ANO2: variants seen among roughly 807,000 people sequenced by gnomAD.
The protein encoded by ANO2 is anoctamin 2.
A neutral mutation model predicts 124.2 loss-of-function variants in ANO2; 101 were observed. That is an observed-to-expected ratio of 0.81 (90% CI 0.69 to 0.96). The LOEUF is 0.96. Among genes scored for constraint, ANO2 ranks in the 40% least tolerant of loss-of-function variants. ANO2 has a pLI of 0.00. For missense variants in ANO2, 1,293 were observed against 1,274.5 expected (o/e 1.01, Z -0.22); for synonymous variants, 486 against 482.5 (o/e 1.01, Z -0.09).
At chr12:5,914,078 T>C (rs1364224052) in intron 3 of ANO2, among the ~76,000 whole-genome samples, 2 of 152,046 alleles carry the variant, frequency 1.3e-5, no homozygotes, top group Non-Finnish European at 2.9e-5. Flanking sequence ...TGTGCACCTG[T>C]AATCCCAGCT....
intron 14 of ANO2, among the ~76,000 whole-genome samples, chr12:5,650,911 G>A (rs1431991066): frequency 1.3e-5 from 2 of 152,206 alleles, no homozygotes; most frequent in South Asian, 2.1e-4. Flanking sequence ...CCCAACCTAT[G>A]AAGCAGGTCA....
intron 9 of ANO2, among the ~76,000 whole-genome samples, chr12:5,803,401 CACTT>C (rs1389932581): frequency 6.6e-6 from 1 of 152,152 alleles, no homozygotes; most frequent in Non-Finnish European, 1.5e-5. Flanking sequence ...TTCAGTGGGT[CACTT>C]ACTAACTATC....
intron 3 of ANO2, among the ~76,000 whole-genome samples, 200 bp from the exon 4 acceptor site, chr12:5,854,341 A>C (rs1231026240): frequency 6.6e-6 from 1 of 151,486 alleles, no homozygotes; most frequent in Non-Finnish European, 1.5e-5. Flanking sequence ...GTTCTCATCG[A>C]AAACAGTAGG....
chr12:5,671,376 C>T (rs953212639), intron 14 of ANO2, among the ~76,000 whole-genome samples: 18 of 152,024 alleles, frequency 1.2e-4, no homozygotes, highest in Middle Eastern at 3.4e-3. Context: ...AGTGTATTAG[C>T]AAACTCTGCC....
chr12:5,752,696 G>A (rs1465346438), intron 10 of ANO2, among the ~76,000 whole-genome samples: 1 of 152,086 alleles, frequency 6.6e-6, no homozygotes, highest in Non-Finnish European at 1.5e-5. Context: ...TCTGTTGATT[G>A]TTTCCTTTGC....
intron 4 of ANO2, among the ~76,000 whole-genome samples, chr12:5,844,202 G>C (rs1954611398): frequency 6.6e-6 from 1 of 152,188 alleles, no homozygotes; most frequent in South Asian, 2.1e-4. Flanking sequence ...ATGGAGGAAA[G>C]AGTAAAGTAC....
intron 3 of ANO2, among the ~76,000 whole-genome samples, chr12:5,890,631 T>C (rs1939328655): frequency 6.6e-6 from 1 of 152,174 alleles, no homozygotes; most frequent in Admixed American, 6.5e-5. Flanking sequence ...CGCAAGTCAG[T>C]GAGGCCCATC....
intron 20 of ANO2, among the ~76,000 whole-genome samples, chr12:5,598,505 G>T (rs910683328): frequency 1.3e-5 from 2 of 152,122 alleles, no homozygotes; most frequent in Admixed American, 1.3e-4. Flanking sequence ...ACAGGTGCCT[G>T]CCACCATTCC....
chr12:5,935,649 C>A (rs1037561330), intron 1 of ANO2, among the ~76,000 whole-genome samples: 1 of 152,118 alleles, frequency 6.6e-6, no homozygotes, highest in Admixed American at 6.5e-5. Context: ...GCATACAAGA[C>A]CTATTCTGTG....
chr12:5,742,450 G>C (rs979236678), intron 12 of ANO2, among the ~76,000 whole-genome samples: 1 of 152,150 alleles, frequency 6.6e-6, no homozygotes, highest in Admixed American at 6.5e-5. Flanking sequence ...CCTGCACTGT[G>C]ATGTGAAAGG....
chr12:5,678,668 T>C lies in ANO2; in HGVS notation c.1546-30867A>G, dbSNP rs140389964. Among the ~76,000 whole-genome samples, 1,406 of 152,348 alleles carry C rather than the reference T, an allele frequency of 9.2e-3. 19 individuals carry two copies. Among genetic ancestry groups the C allele is most frequent in the South Asian group, 0.03 (147 of 4,824 alleles). The stretch of plus-strand genomic sequence containing the variant: ...GTGAAGTAAACATATCTAAAGAGTA[T>C]TGATTAATGAAATGATGAAAGAAAA... On this transcript the variant is annotated intron_variant, in intron 14 of 24. Coordinates refer to ENST00000682330, the MANE Select transcript of ANO2 (RefSeq NM_001364791.2).
intron 10 of ANO2, among the ~76,000 whole-genome samples, chr12:5,767,653 A>G (rs1462920192): frequency 6.6e-6 from 1 of 152,246 alleles, no homozygotes; most frequent in Non-Finnish European, 1.5e-5. Flanking sequence ...AGTTGATGGT[A>G]TCTCAGTCTT....
At chr12:5,894,811 C>T (rs527820242) in intron 3 of ANO2, among the ~76,000 whole-genome samples, 6 of 152,128 alleles carry the variant, frequency 3.9e-5, no homozygotes, top group Admixed American at 2.6e-4. Flanking sequence ...AGATGGGTGG[C>T]GTTATTTCTG....
intron 4 of ANO2, among the ~76,000 whole-genome samples, chr12:5,844,422 AC>A (rs2137238484): frequency 6.6e-6 from 1 of 152,340 alleles, no homozygotes; most frequent in South Asian, 2.1e-4. Context: ...CAGACGTACG[AC>A]ACTTTTACTC....
At chr12:5,747,576 C>T (rs6489658) in intron 11 of ANO2, among the ~76,000 whole-genome samples, 152,279 of 152,314 alleles carry the variant, frequency 1, 76,122 homozygotes, top group Non-Finnish European at 1. Context: ...CATCCAAAAC[C>T]TCAATTTTGT....
Position 5,600,996 on chromosome 12 carries a change from A to G in ANO2, c.2088-1367T>C, listed in dbSNP as rs149595564. Among the ~76,000 whole-genome samples the G allele has an allele frequency of 2.0e-5, 3 of 152,354 alleles. No homozygotes were observed. The East Asian group carries it at 5.8e-4, about 29-fold the overall frequency. ...TAATGTTTTGATCAGTTTCTGGTCT[A>G]ATATTCCTATTTCCTATCAAGAGGA... On this transcript the variant is annotated intron_variant, in intron 19 of 24. Coordinates refer to ENST00000682330, the MANE Select transcript of ANO2 (RefSeq NM_001364791.2).
At chr12:5,760,444 C>A (rs1427794438) in intron 10 of ANO2, among the ~76,000 whole-genome samples, 1 of 152,134 alleles carries the variant, frequency 6.6e-6, no homozygotes, top group Non-Finnish European at 1.5e-5. Context: ...CTTATTTCAA[C>A]TTTTATATTT....
Position 5,669,850 on chromosome 12 carries a change from T to A in ANO2, c.1546-22049A>T, listed in dbSNP as rs544076074. 2.6e-5 allele frequency among the ~76,000 whole-genome samples: 4 copies of A among 152,304 alleles called. No individual in the cohort carries two copies. The South Asian group carries it at 6.2e-4, about 24-fold the overall frequency. On this transcript the variant is annotated intron_variant, in intron 14 of 24. Transcript: ENST00000682330. ...ACTGTGAGCTCCCTGAGAGAAGTGA[T>A]CTTACTCACCTTTCACTCTGACAAT...
At position 5,921,119 on chromosome 12, in the gene ANO2, T is replaced by G; in HGVS notation, c.455A>C (p.Glu152Ala). The G allele has an allele frequency of 6.2e-7, 1 of 1,613,900 alleles. No individual in the cohort carries two copies. Among genetic ancestry groups the G allele is most frequent in the East Asian group, 2.2e-5 (1 of 44,868 alleles). Residue 152 changes from glutamate to alanine, a missense_variant, in exon 3 of 25, where the codon GAG (glutamate) becomes GCG (alanine). Coordinates refer to ENST00000682330, the MANE Select transcript of ANO2 (RefSeq NM_001364791.2). The part of the protein sequence containing the change: ...DIELGPLDAL[E>A]EERKEQREEF... ...CTCCCGCTGCTCCTTCCTCTCCTCC[T>G]CCAGGGCATCGAGCGGTCCCAGCTC...
Sources: gnomAD v4.1 joint callset for allele counts (sites outside exome capture counted in the v4.1 genomes callset) on GRCh38, gnomAD v4.1.1 for gene constraint, MANE v1.5 for transcripts, NCBI Gene and HGNC (gene_info 2026-07-23, HGNC 2026-07-21) for gene names.